Variants in CHODL observed in about 807,000 individuals in gnomAD.
CHODL encodes chondrolectin.
A neutral mutation model predicts 34.5 loss-of-function variants in CHODL; 29 were observed. The ratio of observed to expected loss-of-function variants is 0.84; its 90% CI spans 0.63 to 1.15. The LOEUF is 1.15. Among genes scored for constraint, CHODL ranks in the 50% most tolerant of loss-of-function variants. The pLI is 0.00. For synonymous variants in CHODL, 125 were observed against 116.1 expected (o/e 1.08, Z -0.49); for missense variants, 332 against 332.5 (o/e 1.00, Z 0.01).
chr21:18,174,120 GGT>G (rs72095730), intron 2 of CHODL, among the ~76,000 whole-genome samples: 2,554 of 13,172 alleles, frequency 0.19, 480 homozygotes, highest in Middle Eastern at 0.33. Context: ...TATATATCTT[GGT>G]GTATATATAT....
chr21:17,941,424 C>T (rs2824569), intron 1 of CHODL, among the ~76,000 whole-genome samples: 50,631 of 147,252 alleles, frequency 0.34, 9,093 homozygotes, highest in South Asian at 0.49. Flanking sequence ...AATACACATG[C>T]ATGCATAAAT....
chr21:18,206,193 C>T (rs563798873), intron 2 of CHODL, among the ~76,000 whole-genome samples: 3 of 152,198 alleles, frequency 2.0e-5, no homozygotes, highest in African/African-American at 7.2e-5. Context: ...TCTTTGTTGA[C>T]TTTCTGTCTG....
At chr21:18,003,299 TA>T (rs952276782) in intron 1 of CHODL, among the ~76,000 whole-genome samples, 2 of 151,476 alleles carry the variant, frequency 1.3e-5, no homozygotes, top group African/African-American at 4.8e-5. Context: ...CACCTCTTAG[TA>T]AAAAACCTTT....
At chr21:18,001,249 T>C (rs1007496036) in intron 1 of CHODL, among the ~76,000 whole-genome samples, 2 of 152,250 alleles carry the variant, frequency 1.3e-5, no homozygotes, top group Admixed American at 6.5e-5. Context: ...ATAGCTGAAT[T>C]GAAAACCAGA....
At chr21:18,264,533 C>T (rs923704581) in intron 5 of CHODL, among the ~76,000 whole-genome samples, 3 of 137,700 alleles carry the variant, frequency 2.2e-5, no homozygotes, top group Admixed American at 8.1e-5. Context: ...ACCGGGGAGG[C>T]GGAGGTTGCA....
intron 1 of CHODL, among the ~76,000 whole-genome samples, chr21:17,919,658 C>T (rs545308210): frequency 3.9e-5 from 6 of 152,206 alleles, no homozygotes; most frequent in East Asian, 1.9e-4. Flanking sequence ...CCCACTGTCT[C>T]GGGGATTAAC....
intron 2 of CHODL, among the ~76,000 whole-genome samples, chr21:18,177,957 A>G (rs2824682): frequency 0.12 from 17,841 of 152,136 alleles, 1,218 homozygotes; most frequent in East Asian, 0.21. Flanking sequence ...ATCTATTTTC[A>G]TTGAGAGCAC....
chr21:18,262,077 A>T (rs1203490385), intron 4 of CHODL, among the ~76,000 whole-genome samples: 1 of 152,146 alleles, frequency 6.6e-6, no homozygotes, highest in East Asian at 1.9e-4. Context: ...GAGAAGGAGT[A>T]ATGAAATGAG....
At chr21:18,178,722 G>A (rs1011814456) in intron 2 of CHODL, among the ~76,000 whole-genome samples, 1 of 152,190 alleles carries the variant, frequency 6.6e-6, no homozygotes, top group Admixed American at 6.5e-5. Context: ...TGAGTAGGCT[G>A]AGGAGGAAGA....
Position 18,266,149 on chromosome 21 carries a change from T to A in CHODL, c.*111T>A. The A allele has an allele frequency of 6.3e-7, 1 of 1,596,762 alleles. No homozygotes were observed. Among genetic ancestry groups the A allele is most frequent in the Admixed American group, 1.7e-5 (1 of 57,326 alleles). ...ATCACAAAGGATCTGCAAGATGAAC[T>A]GTAAGCTCCCCCTTGAGGCAAATAT... On this transcript the variant is annotated 3_prime_UTR_variant, in exon 6 of 6. Transcript: ENST00000299295.
chr21:17,925,680 ATT>A (rs1433742392), intron 1 of CHODL, among the ~76,000 whole-genome samples: 2 of 152,176 alleles, frequency 1.3e-5, no homozygotes, highest in Non-Finnish European at 2.9e-5. Flanking sequence ...AAAAGGATAA[ATT>A]TATTTATAAT....
At chr21:18,215,262 G>T (rs977894010) in intron 2 of CHODL, among the ~76,000 whole-genome samples, 1 of 151,698 alleles carries the variant, frequency 6.6e-6, no homozygotes, top group East Asian at 1.9e-4. Context: ...TTCATTCTAT[G>T]ATAATCTTGT....
intron 2 of CHODL, among the ~76,000 whole-genome samples, chr21:18,141,928 G>A (rs112267844): frequency 4.7e-4 from 71 of 152,090 alleles, no homozygotes; most frequent in African/African-American, 1.7e-3. Context: ...TGAACTGACC[G>A]GTGCTTCACT....
At chr21:18,030,402 CT>C (rs1218569367) in intron 2 of CHODL, among the ~76,000 whole-genome samples, 4 of 152,154 alleles carry the variant, frequency 2.6e-5, no homozygotes, top group African/African-American at 7.2e-5. Context: ...AGTAGGCTGG[CT>C]AGACCTGCTA....
intron 1 of CHODL, among the ~76,000 whole-genome samples, chr21:18,023,030 T>C (rs1423955624): frequency 6.6e-6 from 1 of 152,162 alleles, no homozygotes; most frequent in Non-Finnish European, 1.5e-5. Context: ...TAATGAAAGA[T>C]TTCATAGGAA....
chr21:18,224,231 C>T, intron 2 of CHODL, among the ~76,000 whole-genome samples: 1 of 152,060 alleles, frequency 6.6e-6, no homozygotes, highest in East Asian at 1.9e-4. Context: ...TTTTAGACCC[C>T]CTTGACAGAC....
chr21:18,002,919 C>A (rs1001224309), intron 1 of CHODL, among the ~76,000 whole-genome samples: 32 of 151,938 alleles, frequency 2.1e-4, no homozygotes, highest in African/African-American at 7.3e-4. Context: ...GTCAGGAGAT[C>A]GAGACCATCC....
At chr21:18,240,612 T>A (rs984184678), upstream of CHODL, among the ~76,000 whole-genome samples, 11 of 152,196 alleles carry the variant, frequency 7.2e-5, no homozygotes, top group Non-Finnish European at 1.6e-4. Context: ...TTTGTTTGGT[T>A]GTATTAACAT....
upstream of CHODL, among the ~76,000 whole-genome samples, chr21:18,243,406 T>G (rs1024938248): frequency 6.6e-6 from 1 of 152,152 alleles, no homozygotes; most frequent in African/African-American, 2.4e-5. Context: ...TTAGCTAGTG[T>G]GAAAGTCACA....
Sources: allele counts gnomAD v4.1 joint callset (sites outside exome capture counted in the v4.1 genomes callset), GRCh38; gene constraint gnomAD v4.1.1; transcripts MANE v1.5; gene names NCBI Gene and HGNC (gene_info 2026-07-23, HGNC 2026-07-21).